The following NLGN4Y variants were observed in gnomAD, a reference collection of about 807,000 sequenced individuals.
NLGN4Y encodes neuroligin 4 Y-linked.
In NLGN4Y, 4 loss-of-function variants were observed where a neutral mutation model predicts 8.4. That is an observed-to-expected ratio of 0.48 (90% CI 0.23 to 1.09). The LOEUF (loss-of-function observed/expected upper bound fraction) is 1.09. Ranked by LOEUF, NLGN4Y falls within the 50% of genes least tolerant of loss-of-function variation. The probability of loss-of-function intolerance (pLI) is 0.19; values close to 1 mark genes in which losing one functional copy is unlikely to be tolerated. For missense variants in NLGN4Y, 90 were observed against 192.3 expected (o/e 0.47, Z 3.15); for synonymous variants, 35 against 75.6 (o/e 0.46, Z 2.78).
At chrY:14,532,367 A>T (rs776458640) in intron 1 of NLGN4Y, among the ~76,000 whole-genome samples, 2 of 33,639 alleles carry the variant, frequency 5.9e-5, no homozygotes, top group East Asian at 1.6e-3. Context: ...AAAAATCAAC[A>T]TGGAAGGCTT....
In NLGN4Y at chrY:14,842,397, A is replaced by G. The variant is rs770973722; in HGVS notation, c.*1135A>G. On this transcript the variant is annotated 3_prime_UTR_variant, in exon 7 of 7. Transcript: ENST00000684976. ...TTTGGGAAGAGTTGCTTCCTATTTC[A>G]GGACCCTGCCAAAAAAGAAGAAAGC... The G allele has an allele frequency of 1.7e-5, 2 of 120,745 alleles. No individual in the cohort carries two copies. Among genetic ancestry groups the G allele is most frequent in the East Asian group, 5.2e-4 (2 of 3,825 alleles). 30.1% of individuals were successfully genotyped at this position (120,745 alleles called of 400,897 possible). A position where few individuals can be genotyped will look rare whatever the true frequency, so the allele number is the denominator to read the frequency against.
chrY:14,533,341 C>CA (rs2080120578), intron 1 of NLGN4Y, among the ~76,000 whole-genome samples: 1 of 33,182 alleles, frequency 3.0e-5, no homozygotes, highest in African/African-American at 1.2e-4. Flanking sequence ...GATATTTCAG[C>CA]ATTTTTAAGG....
intron 2 of NLGN4Y, among the ~76,000 whole-genome samples, chrY:14,660,290 C>T (rs2080669323): frequency 3.0e-5 from 1 of 33,338 alleles, no homozygotes; most frequent in Non-Finnish European, 7.4e-5. Context: ...AATGAGCAGA[C>T]CCACACACCA....
chrY:14,646,166 T>C, intron 2 of NLGN4Y, among the ~76,000 whole-genome samples: 1 of 33,632 alleles, frequency 3.0e-5, no homozygotes. Context: ...TGTTTCTACA[T>C]TGCAATCTCT....
chrY:14,770,554 C>T, intron 4 of NLGN4Y, among the ~76,000 whole-genome samples: 3 of 33,457 alleles, frequency 9.0e-5, no homozygotes, highest in Admixed American at 8.1e-4. Flanking sequence ...CAAAAGTCAC[C>T]AACATCAAAA....
intron 1 of NLGN4Y, among the ~76,000 whole-genome samples, chrY:14,544,913 G>A (rs1603499176): frequency 2.6e-4 from 8 of 30,590 alleles, no homozygotes; most frequent in Admixed American, 2.4e-3. Context: ...TATATCTCCC[G>A]ATGCTATCCC....
intron 4 of NLGN4Y, among the ~76,000 whole-genome samples, chrY:14,740,343 A>T (rs940368703): frequency 3.0e-5 from 1 of 33,367 alleles, no homozygotes; most frequent in African/African-American, 1.2e-4. Flanking sequence ...TTTTATTGTT[A>T]CATTCTGTAT....
At chrY:14,632,240 G>A in intron 2 of NLGN4Y, among the ~76,000 whole-genome samples, 4 of 33,392 alleles carry the variant, frequency 1.2e-4, no homozygotes, top group African/African-American at 4.7e-4. Context: ...AAGACCAACA[G>A]CCCATTATTT....
intron 1 of NLGN4Y, among the ~76,000 whole-genome samples, chrY:14,528,778 G>A (rs2080101399): frequency 3.0e-5 from 1 of 33,381 alleles, no homozygotes; most frequent in African/African-American, 1.2e-4. Flanking sequence ...AGTCCCATTG[G>A]TTGAAGAATA....
Position 14,719,451 on chromosome Y carries a change from C to T in NLGN4Y, c.473-8C>T, listed in dbSNP as rs762967534. 5.9e-5 allele frequency: 18 copies of T among 306,897 alleles called. No individual in the cohort carries two copies. The highest frequency in any genetic ancestry group is 6.9e-4 in the Middle Eastern group (1 of 1,458). The allele number at this position is 306,897 out of a possible 400,897, so 76.6% of individuals were successfully genotyped here. On this transcript the variant is annotated splice_polypyrimidine_tract_variant and splice_region_variant and intron_variant, in intron 2 of 6. Transcript: ENST00000684976. ...ATCCCTTTATTTTCCTTTTCAATAT[C>T]ACCCCAGGAACCAACATAAAGAGAA...
At chrY:14,781,333 T>C in intron 4 of NLGN4Y, among the ~76,000 whole-genome samples, 2 of 33,800 alleles carry the variant, frequency 5.9e-5, no homozygotes, top group Non-Finnish European at 1.5e-4. Context: ...TTAAAGATGA[T>C]TGTTCTCAGA....
intron 1 of NLGN4Y, among the ~76,000 whole-genome samples, chrY:14,565,282 G>A: frequency 3.2e-5 from 1 of 31,566 alleles, no homozygotes; most frequent in African/African-American, 1.2e-4. Flanking sequence ...GAAAAAAGGT[G>A]AGTCTAATTG....
intron 1 of NLGN4Y, among the ~76,000 whole-genome samples, chrY:14,596,587 G>A (rs1603500894): frequency 1.8e-4 from 6 of 33,118 alleles, no homozygotes; most frequent in African/African-American, 4.7e-4. Context: ...GTCGACCCTC[G>A]GCTCAGCCCA....
rs58267140 is a variant in NLGN4Y, at chrY:14,536,235, G to GTT, written c.-112+11555_-112+11556dup. ...TGTTGGTGAACACATTTTCCTGAAG[G>GTT]TTTTTTTTTTTTTTTTTTTTTTTTT... On this transcript the variant is annotated intron_variant, in intron 1 of 6. Coordinates refer to ENST00000684976, the MANE Select transcript of NLGN4Y (RefSeq NM_001365588.1). 2.6e-3 allele frequency among the ~76,000 whole-genome samples: 34 copies of GTT among 12,952 alleles called. No individual in the cohort carries two copies. The East Asian group carries it at 0.1, about 39-fold the overall frequency. The allele number at this position is 12,952 out of a possible 37,273, so 34.7% of individuals were successfully genotyped here. A position where few individuals can be genotyped will look rare whatever the true frequency, so the allele number is the denominator to read the frequency against.
intron 2 of NLGN4Y, among the ~76,000 whole-genome samples, chrY:14,623,574 C>G (rs2080518288): frequency 2.9e-5 from 1 of 34,017 alleles, no homozygotes; most frequent in Admixed American, 2.7e-4. Context: ...TGATAAATTT[C>G]TTTTATGGAG....
chrY:14,647,494 T>C (rs2080614918), intron 2 of NLGN4Y, among the ~76,000 whole-genome samples: 1 of 33,673 alleles, frequency 3.0e-5, no homozygotes, highest in Non-Finnish European at 7.4e-5. Context: ...AGAGTATCCA[T>C]AGTTATATTT....
In NLGN4Y at chrY:14,773,419, G is replaced by A. The variant is rs773106790; in HGVS notation, c.685+50150G>A. Among the ~76,000 whole-genome samples, 15 of 33,075 alleles carry A rather than the reference G, an allele frequency of 4.5e-4. No homozygotes were observed. In the East Asian group the frequency reaches 0.012, roughly 27 times the overall value. The allele number at this position is 33,075 out of a possible 37,273, so 88.7% of individuals were successfully genotyped here. A position where few individuals can be genotyped will look rare whatever the true frequency, so the allele number is the denominator to read the frequency against. Reference sequence around the variant, plus strand: ...CAAACCACTGCTCAAGGGAACAAGAGAGGACACAAACAAATGGAAAAACAT... The same window carrying A: ...CAAACCACTGCTCAAGGGAACAAGAAAGGACACAAACAAATGGAAAAACAT... On this transcript the variant is annotated intron_variant, in intron 4 of 6. Coordinates refer to ENST00000684976, the MANE Select transcript of NLGN4Y (RefSeq NM_001365588.1).
At position 14,830,524 on chromosome Y, in the gene NLGN4Y, G is replaced by A. The variant is rs758669414; in HGVS notation, c.1661+5G>A. On this transcript the variant is annotated splice_donor_5th_base_variant and intron_variant, in intron 6 of 6. Transcript: ENST00000684976. ...GACGAACTTCGCCAAAACTGGGTAC[G>A]TTCTTCTTCATGTTGGGGTATCACT... 1.8e-5 allele frequency: 7 copies of A among 395,371 alleles called. No homozygotes were observed. The African/African-American group carries it at 3.2e-4, about 18-fold the overall frequency.
At chrY:14,707,836 A>G in intron 2 of NLGN4Y, among the ~76,000 whole-genome samples, 3 of 33,542 alleles carry the variant, frequency 8.9e-5, no homozygotes, top group African/African-American at 2.3e-4. Flanking sequence ...AGGAAGCCAT[A>G]CAGTCTTTAG....
Sources: gnomAD v4.1 joint callset for allele counts (sites outside exome capture counted in the v4.1 genomes callset) on GRCh38, gnomAD v4.1.1 for gene constraint, MANE v1.5 for transcripts, NCBI Gene and HGNC (gene_info 2026-07-23, HGNC 2026-07-21) for gene names.